PHAX: variants seen among roughly 807,000 people sequenced by gnomAD.
The protein encoded by PHAX is phosphorylated adapter RNA export protein.
In PHAX, 31 loss-of-function variants were observed where a neutral mutation model predicts 41.6. That is an observed-to-expected ratio of 0.75 (90% CI 0.56 to 1.01). The LOEUF is 1.01. PHAX is among the 50% of genes least tolerant of loss of function. The probability of loss-of-function intolerance (pLI) is 0.00; values close to 1 mark genes in which losing one functional copy is unlikely to be tolerated. For missense variants in PHAX, 453 were observed against 472.9 expected (o/e 0.96, Z 0.39); for synonymous variants, 175 against 164.9 (o/e 1.06, Z -0.47).
Position 126,604,605 on chromosome 5 carries a change from C to G in PHAX, c.710+422C>G, listed in dbSNP as rs183271858. On this transcript the variant is annotated intron_variant, in intron 2 of 4. Coordinates refer to ENST00000297540, the MANE Select transcript of PHAX (RefSeq NM_032177.4). Reference sequence around the variant, plus strand: ...TATTTATTTGAGAAAGGATCTCACTCTTGCCCAGGCTGGAGTGCAGTGCTG... The same window carrying G: ...TATTTATTTGAGAAAGGATCTCACTGTTGCCCAGGCTGGAGTGCAGTGCTG... Among the ~76,000 whole-genome samples the G allele has an allele frequency of 9.2e-4, 139 of 151,528 alleles. 1 individual carries two copies. Among genetic ancestry groups the G allele is most frequent in the African/African-American group, 3.3e-3 (135 of 41,248 alleles).
chr5:126,601,146 G>C, intron 1 of PHAX, 88 bp downstream of exon 1: 1 of 935,616 alleles, frequency 1.1e-6, no homozygotes, highest in Non-Finnish European at 1.7e-6. Flanking sequence ...AGGGTGAGGG[G>C]TGGGAGCTAG....
At chr5:126,606,862 G>A (rs1377305464) in intron 2 of PHAX, among the ~76,000 whole-genome samples, 2 of 151,954 alleles carry the variant, frequency 1.3e-5, no homozygotes, top group African/African-American at 4.8e-5. Flanking sequence ...TCACCTTGTT[G>A]ACCAGGCTGG....
At chr5:126,616,327 CT>C (rs1752183462) in intron 3 of PHAX, among the ~76,000 whole-genome samples, 1 of 152,096 alleles carries the variant, frequency 6.6e-6, no homozygotes, top group Non-Finnish European at 1.5e-5. Flanking sequence ...AATTCCTGAC[CT>C]CAGGTGATCC....
intron 2 of PHAX, 116 bp from the exon 3 acceptor site, chr5:126,608,248 G>A: frequency 8.3e-7 from 1 of 1,206,410 alleles, no homozygotes; most frequent in Non-Finnish European, 1.1e-6. Flanking sequence ...AAATATTGAA[G>A]ATTTAGAAAA....
At position 126,624,648 on chromosome 5, in the gene PHAX, TGG is replaced by T. The variant is rs1394920963; in HGVS notation, c.992_993del (p.Gly331GlufsTer8). ...GCTAGGAAGAGGAGAACACAAGTGT[TGG>T]GGAAAAAGATGAAACAAGCTATTAA... On this transcript the variant is annotated frameshift_variant, in exon 5 of 5. Transcript: ENST00000297540. LOFTEE classifies it high-confidence loss of function. The T allele has an allele frequency of 6.2e-7, 1 of 1,613,568 alleles. No homozygotes were observed. The highest frequency in any genetic ancestry group is 8.5e-7 in the Non-Finnish European group (1 of 1,179,680).
intron 3 of PHAX, among the ~76,000 whole-genome samples, chr5:126,616,469 C>G (rs1188105760): frequency 6.6e-6 from 1 of 152,116 alleles, no homozygotes; most frequent in Non-Finnish European, 1.5e-5. Flanking sequence ...ACTAAATACC[C>G]ATATATATTT....
At chr5:126,614,400 C>T (rs1233409737) in intron 3 of PHAX, among the ~76,000 whole-genome samples, 1 of 152,094 alleles carries the variant, frequency 6.6e-6, no homozygotes, top group African/African-American at 2.4e-5. Context: ...CCGTGAGTCA[C>T]CGCACCCGGC....
chr5:126,608,482 A>G lies in PHAX; in HGVS notation c.829A>G (p.Met277Val), dbSNP rs765760998. ...EVEQNGGLFI[M>V]NGSRRRTPGG... ...TGAACAAAATGGTGGTCTCTTTATA[A>G]TGGTAAGACTGCTTAACTGTTTTTG... The change falls in exon 3 of 5, where the codon ATG (methionine) becomes GTG (valine). Residue 277 changes from methionine to valine, a missense_variant and splice_region_variant. Physicochemically the swap from Met to Val is conservative, Grantham distance 21. Transcript: ENST00000297540. 24 of 1,611,812 alleles carry G rather than the reference A, an allele frequency of 1.5e-5. No homozygotes were observed. Among genetic ancestry groups the G allele is most frequent in the Non-Finnish European group, 2.0e-5 (24 of 1,178,758 alleles).
Position 126,614,679 on chromosome 5 carries a change from T to TA in PHAX, c.832-2565dup, listed in dbSNP as rs369327418. ...TTTTGTCATGTCTTTATTATCACAA[T>TA]AAAAAATCAGTAAAAGAGTGTGTAG... On this transcript the variant is annotated intron_variant, in intron 3 of 4. Coordinates refer to ENST00000297540, the MANE Select transcript of PHAX (RefSeq NM_032177.4). 9.5e-3 allele frequency among the ~76,000 whole-genome samples: 1,450 copies of TA among 152,144 alleles called. 25 individuals carry two copies. Among genetic ancestry groups the TA allele is most frequent in the African/African-American group, 0.032 (1,314 of 41,484 alleles).
At chr5:126,609,095 ATTTTTTTTTTTTTT>A (rs761125079) in intron 3 of PHAX, among the ~76,000 whole-genome samples, 1 of 101,256 alleles carries the variant, frequency 9.9e-6, no homozygotes, top group African/African-American at 4.8e-5. Flanking sequence ...TAGGGGTTGA[ATTTTTTTTTTTTTT>A]TTTTTTTTTG....
rs761125079 is a variant in PHAX, at chr5:126,609,095, A to ATTTTTTTTTTTTTTTTTTTT, written c.831+615_831+634dup. 2.2e-4 allele frequency among the ~76,000 whole-genome samples: 22 copies of ATTTTTTTTTTTTTTTTTTTT among 101,234 alleles called. 2 individuals carry two copies. Among genetic ancestry groups the ATTTTTTTTTTTTTTTTTTTT allele is most frequent in the African/African-American group, 1.0e-3 (21 of 20,998 alleles). The allele number at this position is 101,234 out of a possible 152,430, so 66.4% of individuals were successfully genotyped here. A position where few individuals can be genotyped will look rare whatever the true frequency, so the allele number is the denominator to read the frequency against. Reference sequence around the variant, plus strand: ...ATGATTTGTTAAAGGTAGGGGTTGAATTTTTTTTTTTTTTTTTTTTTTTGA... The same window carrying ATTTTTTTTTTTTTTTTTTTT: ...ATGATTTGTTAAAGGTAGGGGTTGAATTTTTTTTTTTTTTTTTTTTTTTTTTTTTTTTTTTTTTTTTTTGA... On this transcript the variant is annotated intron_variant, in intron 3 of 4. Transcript: ENST00000297540.
chr5:126,612,287 A>G (rs1257439844), intron 3 of PHAX, among the ~76,000 whole-genome samples: 6 of 152,198 alleles, frequency 3.9e-5, no homozygotes, highest in African/African-American at 1.4e-4. Flanking sequence ...GAGAGTGAGT[A>G]GGATATAAGG....
Sources: allele counts gnomAD v4.1 joint callset (sites outside exome capture counted in the v4.1 genomes callset), GRCh38; gene constraint gnomAD v4.1.1; transcripts MANE v1.5; gene names NCBI Gene and HGNC (gene_info 2026-07-23, HGNC 2026-07-21).